Variants in CREBBP observed in about 807,000 individuals in gnomAD.
CREBBP encodes the protein CREB binding lysine acetyltransferase.
In CREBBP, 19 loss-of-function variants were observed where a neutral mutation model predicts 265.0. The ratio of observed to expected loss-of-function variants is 0.07; its 90% CI spans 0.05 to 0.11. The LOEUF (loss-of-function observed/expected upper bound fraction) is 0.11. Ranked by LOEUF, CREBBP falls within the 10% of genes least tolerant of loss-of-function variation. The pLI, the probability that CREBBP is intolerant of heterozygous loss-of-function variation, is 1.00. For synonymous variants in CREBBP, 1,457 were observed against 1,223.7 expected, an observed-to-expected ratio of 1.19 and a Z score of -3.98; for missense variants, 2,525 against 3,219.0, an observed-to-expected ratio of 0.78 and a Z score of 5.22.
rs761967972 is a variant in CREBBP at position 3,726,144 on chromosome 16, G to C, written c.*1574C>G. On this transcript the variant is annotated 3_prime_UTR_variant, in exon 31 of 31. Coordinates refer to ENST00000262367, the MANE Select transcript of CREBBP (RefSeq NM_004380.3). ...CAGCATTTCCTCAAACGCCACACGGGACATGCTGCGCGGCAGCGGCAGGAT... is the reference window on the plus strand; with the variant it reads ...CAGCATTTCCTCAAACGCCACACGGCACATGCTGCGCGGCAGCGGCAGGAT... 6.0e-4 allele frequency: 139 copies of C among 232,450 alleles called. No homozygotes were observed. The highest frequency in any genetic ancestry group is 1.4e-4 in the Non-Finnish European group (17 of 117,772). The allele number at this position is 232,450 out of a possible 1,614,324, so 14.4% of individuals were successfully genotyped here.
intron 17 of CREBBP, among the ~76,000 whole-genome samples, chr16:3,758,407 A>T (rs2052635821): frequency 6.6e-6 from 1 of 152,238 alleles, no homozygotes. Flanking sequence ...TTCACTCTTG[A>T]TCCTAGCAAG....
chr16:3,840,907 GA>G (rs967304840), intron 2 of CREBBP: 1 of 156,088 alleles, frequency 6.4e-6, no homozygotes, highest in African/African-American at 2.4e-5. Flanking sequence ...AATGAATCAA[GA>G]AGTGGACATT....
At chr16:3,769,670 T>C (rs2052950896) in intron 14 of CREBBP, among the ~76,000 whole-genome samples, 1 of 152,154 alleles carries the variant, frequency 6.6e-6, no homozygotes, top group Non-Finnish European at 1.5e-5. Context: ...TTAATTCCCT[T>C]CAATATGGTG....
intron 1 of CREBBP, among the ~76,000 whole-genome samples, chr16:3,875,511 C>T (rs1412764945): frequency 2.6e-5 from 4 of 152,148 alleles, no homozygotes; most frequent in Non-Finnish European, 4.4e-5. Flanking sequence ...ACGCCCTAAC[C>T]CAGGAGGAAG....
At chr16:3,835,173 AC>A (rs1221097468) in intron 2 of CREBBP, among the ~76,000 whole-genome samples, 4 of 152,122 alleles carry the variant, frequency 2.6e-5, no homozygotes, top group Admixed American at 2.6e-4. Flanking sequence ...ACAAAACAAA[AC>A]AAACAAACAA....
chr16:3,728,529 ATGT>A lies in CREBBP; in HGVS notation c.6515_6517del (p.Asn2172del). ...GTTGGGGTTGTGTCCTGGGTTCATG[ATGT>A]TCAAGGCCTGGCCCTGGGGGTTCAG... On this transcript the variant is annotated inframe_deletion, in exon 31 of 31. Transcript: ENST00000262367. This position sits in a 1 kb window ranked among gnomAD's most constrained non-coding sequence, Gnocchi z 8.7. The A allele has an allele frequency of 1.9e-6, 3 of 1,613,808 alleles. No homozygotes were observed. In the South Asian group the frequency reaches 3.3e-5, roughly 18 times the overall value.
At chr16:3,736,334 C>T (rs2052059547) in intron 27 of CREBBP, 131 bp from the exon 28 acceptor site, 4 of 982,196 alleles carry the variant, frequency 4.1e-6, no homozygotes, top group African/African-American at 1.6e-5. Context: ...TGCCCCCCCA[C>T]CACAGTGCAG....
At chr16:3,879,687 C>G (rs917647990) in intron 1 of CREBBP, 145 bp downstream of exon 1, 14 of 906,008 alleles carry the variant, frequency 1.5e-5, no homozygotes, top group African/African-American at 3.3e-5. Flanking sequence ...TCCACCCTCC[C>G]GCGCGGGGCG....
intron 16 of CREBBP, 85 bp from the exon 17 acceptor site, chr16:3,759,057 C>T: frequency 2.9e-6 from 3 of 1,050,594 alleles, no homozygotes; most frequent in South Asian, 1.3e-5. Flanking sequence ...ATCCTGGCTG[C>T]TGTGACATCC....
intron 1 of CREBBP, among the ~76,000 whole-genome samples, chr16:3,861,165 C>T (rs2055064989): frequency 6.6e-6 from 1 of 151,986 alleles, no homozygotes; most frequent in African/African-American, 2.4e-5. Flanking sequence ...GCCTATAACC[C>T]CAGCTACTCG....
rs776020320 is a variant in CREBBP, at chr16:3,879,960, C to CCGGCGAGGGCCCGGACGGGGGT, written c.-66_-45dup. 5 of 1,569,748 alleles carry CCGGCGAGGGCCCGGACGGGGGT rather than the reference C, an allele frequency of 3.2e-6. No homozygotes were observed. In the South Asian group the frequency reaches 5.7e-5, roughly 18 times the overall value. The stretch of plus-strand genomic sequence containing the variant: ...ACAGCCCCGGGCACGGGCGGCCGGG[C>CCGGCGAGGGCCCGGACGGGGGT]CGGCGAGGGCCCGGACGGGGGTCGG... On this transcript the variant is annotated 5_prime_UTR_variant, in exon 1 of 31. Coordinates refer to ENST00000262367, the MANE Select transcript of CREBBP (RefSeq NM_004380.3).
chr16:3,773,972 T>C (rs751284948), intron 12 of CREBBP, 42 bp from the exon 13 acceptor site: 17 of 1,607,750 alleles, frequency 1.1e-5, no homozygotes, highest in African/African-American at 2.7e-5. Context: ...GTTCGGAAGC[T>C]GACGGCCAGA....
Position 3,880,647 on chromosome 16 carries a change from C to A in CREBBP, c.-731G>T, listed in dbSNP as rs1161759132. The A allele has an allele frequency of 6.8e-6, 1 of 147,246 alleles. No individual in the cohort carries two copies. Among genetic ancestry groups the A allele is most frequent in the African/African-American group, 2.4e-5 (1 of 40,872 alleles). The allele number at this position is 147,246 out of a possible 1,614,324, so 9.1% of individuals were successfully genotyped here. A position where few individuals can be genotyped will look rare whatever the true frequency, so the allele number is the denominator to read the frequency against. The stretch of plus-strand genomic sequence containing the variant: ...GTTGTGGGGCCCGGGACCGGCGGGG[C>A]CGAGTAGATCGCGCTCGAAGCCCCG... On this transcript the variant is annotated 5_prime_UTR_variant, in exon 1 of 31. Transcript: ENST00000262367.
chr16:3,832,517 T>C (rs1224332627), intron 2 of CREBBP, among the ~76,000 whole-genome samples: 4 of 152,170 alleles, frequency 2.6e-5, no homozygotes, highest in Non-Finnish European at 5.9e-5. Flanking sequence ...TAAACAAACC[T>C]AGATGGTGTA....
chr16:3,778,654 T>G lies in CREBBP; in HGVS notation c.1941+46A>C, dbSNP rs755444292. The G allele has an allele frequency of 2.2e-6, 3 of 1,373,414 alleles. No homozygotes were observed. The African/African-American group carries it at 4.3e-5, about 20-fold the overall frequency. The allele number at this position is 1,373,414 out of a possible 1,614,324, so 85.1% of individuals were successfully genotyped here. On this transcript the variant is annotated intron_variant, in intron 9 of 30. Transcript: ENST00000262367. ...CAAAGCAGACAAATGTAGTGCTGTC[T>G]ACTACAGATGCTGTAGAGGCCAGAG... is the stretch of plus-strand genomic sequence containing the variant.
intron 21 of CREBBP, 93 bp downstream of exon 21, chr16:3,749,534 C>A (rs879369710): frequency 1.2e-6 from 1 of 806,012 alleles, no homozygotes; most frequent in South Asian, 1.6e-5. Flanking sequence ...CAACATATTT[C>A]CAATGTTTTT....
intron 21 of CREBBP, 131 bp downstream of exon 21, chr16:3,749,496 A>T: frequency 1.5e-6 from 1 of 653,576 alleles, no homozygotes; most frequent in South Asian, 1.8e-5. Context: ...TCTAAAAGAT[A>T]ACCTCACACC....
At chr16:3,737,838 G>C (rs1368147641) in intron 26 of CREBBP, among the ~76,000 whole-genome samples, 2 of 151,660 alleles carry the variant, frequency 1.3e-5, no homozygotes, top group East Asian at 3.9e-4. Flanking sequence ...CCAGGCTGGA[G>C]TGCAGTGGCA....
chr16:3,856,131 T>G (rs2054958078), intron 1 of CREBBP, among the ~76,000 whole-genome samples: 1 of 152,216 alleles, frequency 6.6e-6, no homozygotes, highest in Admixed American at 6.5e-5. Context: ...CAACATTTTA[T>G]TTTTTATTTT....
Sources: allele counts gnomAD v4.1 joint callset (sites outside exome capture counted in the v4.1 genomes callset), GRCh38; gene constraint gnomAD v4.1.1; non-coding constraint Gnocchi (gnomAD v3.1); transcripts MANE v1.5; gene names NCBI Gene and HGNC (gene_info 2026-07-23, HGNC 2026-07-21).